Variants in GCNT2 observed in about 807,000 individuals in gnomAD.
The protein encoded by GCNT2 is N-acetyllactosaminide beta-1,6-N-acetylglucosaminyl-transferase.
Under a neutral mutation model 34.2 loss-of-function variants are expected in GCNT2, and 34 were observed. The observed-to-expected ratio is 1.00, with a 90% CI of 0.76 to 1.32. The LOEUF (loss-of-function observed/expected upper bound fraction) is 1.32. Among genes scored for constraint, GCNT2 ranks in the 40% most tolerant of loss-of-function variants. The probability of loss-of-function intolerance (pLI) is 0.00; values close to 1 mark genes in which losing one functional copy is unlikely to be tolerated. For missense variants in GCNT2, 584 were observed against 489.4 expected, an observed-to-expected ratio of 1.19 and a Z score of -1.82; for synonymous variants, 212 against 188.0, an observed-to-expected ratio of 1.13 and a Z score of -1.04.
intron 3 of GCNT2, among the ~76,000 whole-genome samples, chr6:10,537,698 C>CAAAAAAAAAAAA (rs201257236): frequency 7.2e-5 from 6 of 83,228 alleles, no homozygotes; most frequent in African/African-American, 1.2e-4. Flanking sequence ...GATTCTGCCG[C>CAAAAAAAAAAAA]AAAAAAAAAA....
At chr6:10,589,552 G>T (rs1003229679) in intron 3 of GCNT2, among the ~76,000 whole-genome samples, 1 of 152,118 alleles carries the variant, frequency 6.6e-6, no homozygotes, top group Non-Finnish European at 1.5e-5. Context: ...TGTCTCCGGG[G>T]TCCATCTGGA....
intron 3 of GCNT2, among the ~76,000 whole-genome samples, chr6:10,557,522 CTG>C (rs1561797826): frequency 2.0e-5 from 3 of 151,442 alleles, no homozygotes; most frequent in Admixed American, 2.0e-4. Context: ...GGATCTCACT[CTG>C]TGGCCCAGGC....
chr6:10,571,850 G>A (rs1031332675), intron 3 of GCNT2, among the ~76,000 whole-genome samples: 11 of 152,302 alleles, frequency 7.2e-5, no homozygotes, highest in South Asian at 2.1e-4. Context: ...GAAGGATCAC[G>A]CAGAGATTTT....
intron 3 of GCNT2, among the ~76,000 whole-genome samples, chr6:10,535,090 AGGAGAATCGCTTGAACCT>A (rs1015598710): frequency 2.0e-5 from 3 of 152,164 alleles, no homozygotes; most frequent in African/African-American, 7.2e-5. Context: ...AGGCTGAGGC[AGGAGAATCGCTTGAACCT>A]GGGAGGCGGA....
chr6:10,609,858 G>A (rs1468028540), intron 3 of GCNT2, among the ~76,000 whole-genome samples: 1 of 152,044 alleles, frequency 6.6e-6, no homozygotes, highest in Non-Finnish European at 1.5e-5. Context: ...AGAGGCGGCA[G>A]AAGAGGTCTA....
rs117762422 is a variant in GCNT2, at chr6:10,525,539, G to A, written c.-468-1935G>A. On this transcript the variant is annotated intron_variant, in intron 1 of 4. Transcript: ENST00000495262. The stretch of plus-strand genomic sequence containing the variant: ...CTGATAGATTGTACAAGGGCATTGG[G>A]AAAGCTGGAGGGTCTGGAAGACCAG... Among the ~76,000 whole-genome samples the A allele has an allele frequency of 4.9e-3, 743 of 152,322 alleles. 13 individuals are homozygous for A. The highest frequency in any genetic ancestry group is 0.022 in the Admixed American group (340 of 15,300).
chr6:10,539,485 G>T (rs185526130), intron 3 of GCNT2, among the ~76,000 whole-genome samples: 2 of 152,122 alleles, frequency 1.3e-5, no homozygotes, highest in East Asian at 3.9e-4. Context: ...CACTGCGCCC[G>T]GCCCCGCCAT....
At chr6:10,544,535 C>G (rs1156645904) in intron 3 of GCNT2, among the ~76,000 whole-genome samples, 1 of 149,834 alleles carries the variant, frequency 6.7e-6, no homozygotes, top group South Asian at 2.1e-4. Context: ...ACCCAGGAGG[C>G]GGAGGTTGCA....
chr6:10,552,438 T>A (rs1186857589), intron 3 of GCNT2, among the ~76,000 whole-genome samples: 1 of 151,944 alleles, frequency 6.6e-6, no homozygotes, highest in African/African-American at 2.4e-5. Context: ...ATCCTTGGAT[T>A]CGACCTTGGG....
chr6:10,543,981 A>G (rs1561789052), intron 3 of GCNT2, among the ~76,000 whole-genome samples: 1 of 152,196 alleles, frequency 6.6e-6, no homozygotes, highest in Admixed American at 6.5e-5. Context: ...GTAACTCCTA[A>G]ATCCTGTGAC....
intron 3 of GCNT2, chr6:10,573,024 TA>T: frequency 4.8e-6 from 1 of 210,248 alleles, no homozygotes; most frequent in Non-Finnish European, 8.2e-6. Context: ...GTGGATTGAA[TA>T]AACTGAAAAT....
At chr6:10,526,376 C>T (rs553962629) in intron 1 of GCNT2, among the ~76,000 whole-genome samples, 1 of 151,998 alleles carries the variant, frequency 6.6e-6, no homozygotes, top group Non-Finnish European at 1.5e-5. Flanking sequence ...TTCCTGACAC[C>T]GTGAAATGGG....
At chr6:10,603,811 G>A (rs1470867171) in intron 3 of GCNT2, among the ~76,000 whole-genome samples, 1 of 128,416 alleles carries the variant, frequency 7.8e-6, no homozygotes, top group African/African-American at 2.8e-5. Flanking sequence ...CACTGTGCCT[G>A]ACAGTCTTTT....
intron 3 of GCNT2, among the ~76,000 whole-genome samples, chr6:10,568,356 C>T (rs1457120887): frequency 2.0e-5 from 3 of 152,156 alleles, no homozygotes; most frequent in Admixed American, 6.5e-5. Context: ...TCTGGTACCC[C>T]AGGATCCAGC....
chr6:10,608,631 C>T (rs1210099380), intron 3 of GCNT2, among the ~76,000 whole-genome samples: 18 of 152,166 alleles, frequency 1.2e-4, no homozygotes, highest in Non-Finnish European at 2.6e-4. Context: ...ACCAGGAGTT[C>T]AAATCCAGCC....
intron 3 of GCNT2, among the ~76,000 whole-genome samples, chr6:10,561,131 C>T (rs1455646695): frequency 6.6e-6 from 1 of 152,194 alleles, no homozygotes; most frequent in Non-Finnish European, 1.5e-5. Flanking sequence ...CCCATGTGCT[C>T]TAGCTCTCCC....
intron 3 of GCNT2, among the ~76,000 whole-genome samples, chr6:10,608,176 C>T (rs1157455808): frequency 2.0e-5 from 3 of 149,594 alleles, no homozygotes; most frequent in East Asian, 2.0e-4. Context: ...CTCCCGGGTT[C>T]AAGTGATTCT....
chr6:10,600,271 G>A (rs1374457820), intron 3 of GCNT2, among the ~76,000 whole-genome samples: 1 of 152,194 alleles, frequency 6.6e-6, no homozygotes, highest in Admixed American at 6.5e-5. Flanking sequence ...TGGGAAAAGA[G>A]TGCATATCAA....
At chr6:10,538,149 T>G (rs1761858775) in intron 3 of GCNT2, among the ~76,000 whole-genome samples, 1 of 151,946 alleles carries the variant, frequency 6.6e-6, no homozygotes, top group Non-Finnish European at 1.5e-5. Context: ...GGCTCACGCA[T>G]GTAATCCTAG....
Sources: allele counts gnomAD v4.1 joint callset (sites outside exome capture counted in the v4.1 genomes callset), GRCh38; gene constraint gnomAD v4.1.1; transcripts MANE v1.5; gene names NCBI Gene and HGNC (gene_info 2026-07-23, HGNC 2026-07-21).